Variants in SPAG16 observed in about 807,000 individuals in gnomAD.
SPAG16 encodes sperm-associated antigen 16 protein.
In SPAG16, 86 loss-of-function variants were observed where a neutral mutation model predicts 80.4. That is an observed-to-expected ratio of 1.07 (90% CI 0.90 to 1.28). The LOEUF (loss-of-function observed/expected upper bound fraction) is 1.28, where lower values mean the gene tolerates loss of function less well. Among genes scored for constraint, SPAG16 ranks in the 50% most tolerant of loss-of-function variants. SPAG16 has a pLI of 0.00. For synonymous variants in SPAG16, 294 were observed against 265.9 expected, an observed-to-expected ratio of 1.11 and a Z score of -1.03; for missense variants, 870 against 765.3, an observed-to-expected ratio of 1.14 and a Z score of -1.61.
chr2:214,156,624 T>A (rs1195011911), intron 15 of SPAG16, among the ~76,000 whole-genome samples: 1 of 151,936 alleles, frequency 6.6e-6, no homozygotes, highest in Non-Finnish European at 1.5e-5. Flanking sequence ...CAGAACATTT[T>A]AAAAATAGGC....
chr2:213,590,556 A>C (rs1018637503), intron 10 of SPAG16, among the ~76,000 whole-genome samples: 11 of 152,204 alleles, frequency 7.2e-5, no homozygotes, highest in African/African-American at 1.9e-4. Flanking sequence ...CACTAGCATC[A>C]TCACTAGCAT....
chr2:213,853,947 C>A (rs988386225), intron 10 of SPAG16, among the ~76,000 whole-genome samples: 1 of 152,080 alleles, frequency 6.6e-6, no homozygotes, highest in African/African-American at 2.4e-5. Context: ...ATGAGCTTTT[C>A]CCCCAAGATT....
intron 11 of SPAG16, among the ~76,000 whole-genome samples, chr2:213,901,752 C>CAG (rs1202683663): frequency 1.3e-5 from 2 of 151,516 alleles, no homozygotes; most frequent in African/African-American, 4.9e-5. Context: ...AGATACATAC[C>CAG]CAAGCAGCAG....
intron 9 of SPAG16, among the ~76,000 whole-genome samples, chr2:213,446,036 C>G (rs567059072): frequency 6.6e-6 from 1 of 152,242 alleles, no homozygotes; most frequent in African/African-American, 2.4e-5. Flanking sequence ...CAACTAAATC[C>G]AACTTACAAC....
At chr2:214,160,598 C>T (rs1319726907) in intron 15 of SPAG16, among the ~76,000 whole-genome samples, 1 of 151,916 alleles carries the variant, frequency 6.6e-6, no homozygotes, top group Non-Finnish European at 1.5e-5. Context: ...CTTTCCCATT[C>T]TCCATGGAAG....
intron 10 of SPAG16, among the ~76,000 whole-genome samples, chr2:213,857,646 T>C (rs2075234194): frequency 6.6e-6 from 1 of 152,194 alleles, no homozygotes; most frequent in Admixed American, 6.5e-5. Flanking sequence ...AGGAGACAAA[T>C]GTTATTTTCA....
At chr2:214,265,714 G>C (rs918307888) in intron 15 of SPAG16, among the ~76,000 whole-genome samples, 1 of 151,810 alleles carries the variant, frequency 6.6e-6, no homozygotes, top group Non-Finnish European at 1.5e-5. Context: ...TTATGTTCTA[G>C]AAGTTTTATA....
At chr2:214,302,701 T>G (rs977150094) in intron 15 of SPAG16, among the ~76,000 whole-genome samples, 37 of 152,188 alleles carry the variant, frequency 2.4e-4, no homozygotes, top group Non-Finnish European at 1.0e-4. Flanking sequence ...CAGGCTGGAC[T>G]TGAACTCCTG....
In SPAG16 at chr2:213,288,668, C is replaced by T. The variant is rs865885934; in HGVS notation, c.136+4049C>T. Among the ~76,000 whole-genome samples the T allele has an allele frequency of 1.9e-4, 28 of 150,830 alleles. No individual in the cohort carries two copies. The South Asian group carries it at 1.9e-3, about 10-fold the overall frequency. On this transcript the variant is annotated intron_variant, in intron 1 of 15. Transcript: ENST00000331683. ...AACTTTTTTTTTTTTTAAAGCTAAACATTGTAGTTGAGTAAGTAAAACATT... is the reference window on the plus strand; with the variant it reads ...AACTTTTTTTTTTTTTAAAGCTAAATATTGTAGTTGAGTAAGTAAAACATT...
At chr2:213,734,865 G>A (rs568086973) in intron 10 of SPAG16, among the ~76,000 whole-genome samples, 98 of 152,080 alleles carry the variant, frequency 6.4e-4, no homozygotes, top group African/African-American at 2.3e-3. Context: ...TAAAATGATG[G>A]CTTTGTACTT....
intron 10 of SPAG16, among the ~76,000 whole-genome samples, chr2:213,818,128 C>G (rs2556329): frequency 0.02 from 3,025 of 152,204 alleles, 85 homozygotes; most frequent in African/African-American, 0.068. Flanking sequence ...GAAATGCAGT[C>G]CTTTAAAGAT....
chr2:213,385,140 C>T (rs192397015), intron 9 of SPAG16, among the ~76,000 whole-genome samples: 4 of 152,238 alleles, frequency 2.6e-5, no homozygotes, highest in South Asian at 2.1e-4. Context: ...TCTGGTCATC[C>T]GGTGGACATG....
At chr2:213,303,023 A>G (rs1392501974) in intron 3 of SPAG16, among the ~76,000 whole-genome samples, 2 of 152,114 alleles carry the variant, frequency 1.3e-5, no homozygotes, top group African/African-American at 4.8e-5. Flanking sequence ...ATTGACCAAA[A>G]AAACTGAGGT....
chr2:213,284,659 G>A (rs202107282), intron 1 of SPAG16, 40 bp downstream of exon 1: 1 of 1,591,438 alleles, frequency 6.3e-7, no homozygotes, highest in Non-Finnish European at 8.5e-7. Context: ...GCGCTGGCGG[G>A]TAATGGGTGT....
chr2:213,777,688 T>A (rs1319825263), intron 10 of SPAG16, among the ~76,000 whole-genome samples: 1 of 152,228 alleles, frequency 6.6e-6, no homozygotes, highest in East Asian at 1.9e-4. Context: ...ATTACAGGCG[T>A]GAGCCGCCCA....
At chr2:213,626,892 C>T (rs1475630190) in intron 10 of SPAG16, among the ~76,000 whole-genome samples, 2 of 152,096 alleles carry the variant, frequency 1.3e-5, no homozygotes, top group African/African-American at 4.8e-5. Context: ...AGGTGATCCT[C>T]CCACCTTGGC....
At chr2:213,999,149 A>G (rs981624492) in intron 12 of SPAG16, among the ~76,000 whole-genome samples, 1 of 152,194 alleles carries the variant, frequency 6.6e-6, no homozygotes, top group Non-Finnish European at 1.5e-5. Context: ...AAATGTCTCC[A>G]GGGCATGTCA....
intron 15 of SPAG16, among the ~76,000 whole-genome samples, chr2:214,255,615 T>G (rs924704667): frequency 6.6e-6 from 1 of 151,928 alleles, no homozygotes; most frequent in Non-Finnish European, 1.5e-5. Flanking sequence ...AGATATGGAA[T>G]GTTATTGTCC....
At chr2:213,550,431 T>A (rs1296124710) in intron 10 of SPAG16, among the ~76,000 whole-genome samples, 1 of 152,122 alleles carries the variant, frequency 6.6e-6, no homozygotes, top group Non-Finnish European at 1.5e-5. Flanking sequence ...CAAGAAAATC[T>A]TTAGCAATTC....
Sources: gnomAD v4.1 joint callset for allele counts (sites outside exome capture counted in the v4.1 genomes callset) on GRCh38, gnomAD v4.1.1 for gene constraint, MANE v1.5 for transcripts, NCBI Gene and HGNC (gene_info 2026-07-23, HGNC 2026-07-21) for gene names.